Variants in CLCA1 observed in about 807,000 individuals in gnomAD.
CLCA1 encodes the protein calcium-activated chloride channel regulator 1.
Under a neutral mutation model 85.6 loss-of-function variants are expected in CLCA1, and 59 were observed. That is an observed-to-expected ratio of 0.69 (90% CI 0.56 to 0.86). The LOEUF is 0.86. CLCA1 is among the 40% of genes least tolerant of loss of function. The pLI is 0.00. For missense variants in CLCA1, 1,022 were observed against 1,101.4 expected (o/e 0.93, Z 1.02); for synonymous variants, 396 against 398.3 (o/e 0.99, Z 0.07).
intron 12 of CLCA1, 123 bp from the exon 13 acceptor site, chr1:86,498,448 CT>C (rs11302985): frequency 0.77 from 674,290 of 874,312 alleles, 261,227 homozygotes; most frequent in South Asian, 0.82. Flanking sequence ...AAAATTAATT[CT>C]GTGTGTGGAA....
At chr1:86,481,183 C>T (rs945536999) in intron 4 of CLCA1, among the ~76,000 whole-genome samples, 1 of 151,868 alleles carries the variant, frequency 6.6e-6, no homozygotes, top group African/African-American at 2.4e-5. Flanking sequence ...GTCTCCCAGG[C>T]TGGAGTGCAG....
At chr1:86,488,305 C>G (rs1324465667) in intron 7 of CLCA1, among the ~76,000 whole-genome samples, 3 of 152,152 alleles carry the variant, frequency 2.0e-5, no homozygotes, top group Non-Finnish European at 4.4e-5. Context: ...ATTCTTTTAT[C>G]TAATTTTCCT....
At chr1:86,480,530 G>A (rs985993868) in intron 4 of CLCA1, among the ~76,000 whole-genome samples, 1 of 152,124 alleles carries the variant, frequency 6.6e-6, no homozygotes, top group Admixed American at 6.5e-5. Flanking sequence ...GGCTGAGGTG[G>A]AAGGATCACC....
rs766034715 is a variant in CLCA1, at chr1:86,486,655, A to T, written c.1084A>T (p.Ile362Leu). ...AAHVQNELIQ[I>L]NSGSDRDTLA... ...CCATGTACAAAATGAACTCATACAG[A>T]TAAACAGTGGCAGTGACAGGGACAC... is the stretch of plus-strand genomic sequence containing the variant. Residue 362 changes from isoleucine (I) to leucine (L), a missense_variant, in exon 7 of 14, where the codon ATA becomes TTA. Transcript: ENST00000394711. 1.2e-6 allele frequency: 2 copies of T among 1,614,200 alleles called. No individual in the cohort carries two copies. Among genetic ancestry groups the T allele is most frequent in the Non-Finnish European group, 8.5e-7 (1 of 1,180,032 alleles).
intron 8 of CLCA1, 77 bp from the exon 9 acceptor site, chr1:86,491,188 C>A: frequency 1.1e-6 from 1 of 949,554 alleles, no homozygotes; most frequent in Non-Finnish European, 1.7e-6. Context: ...ATATTGTATG[C>A]TCTCTAAACA....
chr1:86,492,648 C>G (rs1558144891), intron 9 of CLCA1, among the ~76,000 whole-genome samples: 1 of 152,202 alleles, frequency 6.6e-6, no homozygotes, highest in Non-Finnish European at 1.5e-5. Context: ...ATCACATTTT[C>G]TAAAAAAGCC....
chr1:86,473,958 AG>A, intron 3 of CLCA1, 82 bp downstream of exon 3: 1 of 1,035,394 alleles, frequency 9.7e-7, no homozygotes, highest in Non-Finnish European at 1.4e-6. Context: ...TATCTTTGTG[AG>A]TAAGCATGTA....
rs181472751 is a variant in CLCA1, at chr1:86,496,583, C to T, written c.2113+908C>T. On this transcript the variant is annotated intron_variant, in intron 12 of 13. Transcript: ENST00000394711. Reference sequence around the variant, plus strand: ...CACCCTGTCCTGGGCAGGCTTTCTCCTGAGGTTGGTGTGCGGGAAGGAGAA... The same window carrying T: ...CACCCTGTCCTGGGCAGGCTTTCTCTTGAGGTTGGTGTGCGGGAAGGAGAA... Among the ~76,000 whole-genome samples the T allele has an allele frequency of 5.6e-4, 85 of 152,326 alleles. 1 individual carries two copies. Among genetic ancestry groups the T allele is most frequent in the Non-Finnish European group, 1.6e-4 (11 of 68,026 alleles).
At chr1:86,469,239 A>G (rs1210699972) in intron 1 of CLCA1, 106 bp downstream of exon 1, 4 of 684,564 alleles carry the variant, frequency 5.8e-6, no homozygotes, top group Admixed American at 3.4e-5. Flanking sequence ...ATGTATTTTT[A>G]TGTCTAAGTC....
chr1:86,498,865 A>C, intron 13 of CLCA1, 54 bp downstream of exon 13: 3 of 1,567,128 alleles, frequency 1.9e-6, no homozygotes, highest in Admixed American at 3.6e-5. Flanking sequence ...CAAGTAGAAG[A>C]GCAGAAGCGG....
intron 4 of CLCA1, among the ~76,000 whole-genome samples, chr1:86,477,343 A>G (rs986487751): frequency 6.6e-6 from 1 of 152,328 alleles, no homozygotes; most frequent in Non-Finnish European, 1.5e-5. Flanking sequence ...CTGAAAAACA[A>G]TCCAAATATC....
intron 4 of CLCA1, 127 bp from the exon 5 acceptor site, chr1:86,482,078 G>T: frequency 1.5e-6 from 1 of 666,734 alleles, no homozygotes; most frequent in Non-Finnish European, 2.6e-6. Context: ...TGCTATGATG[G>T]GATGTCCTTG....
intron 1 of CLCA1, among the ~76,000 whole-genome samples, chr1:86,472,669 A>G (rs1196230463): frequency 2.0e-5 from 3 of 152,224 alleles, no homozygotes; most frequent in Admixed American, 1.3e-4. Context: ...GAGAAGTAAA[A>G]TTAGGTGTAA....
intron 6 of CLCA1, among the ~76,000 whole-genome samples, chr1:86,486,020 G>GAGAGAA (rs2101739129): frequency 1.1e-5 from 1 of 93,024 alleles, no homozygotes; most frequent in East Asian, 2.3e-4. Flanking sequence ...GGCAGCAGGA[G>GAGAGAA]AGAGAGAGAG....
intron 11 of CLCA1, among the ~76,000 whole-genome samples, chr1:86,495,155 A>G (rs1648242084): frequency 6.6e-6 from 1 of 152,226 alleles, no homozygotes; most frequent in African/African-American, 2.4e-5. Context: ...AATTTTATTA[A>G]ATAATCATAC....
intron 5 of CLCA1, among the ~76,000 whole-genome samples, chr1:86,484,001 A>T (rs1019584091): frequency 6.6e-6 from 1 of 152,186 alleles, no homozygotes; most frequent in Admixed American, 6.6e-5. Flanking sequence ...GAGAGAATGC[A>T]AGGGAAATTG....
At chr1:86,487,202 C>G (rs924210993) in intron 7 of CLCA1, among the ~76,000 whole-genome samples, 2 of 152,186 alleles carry the variant, frequency 1.3e-5, no homozygotes, top group African/African-American at 4.8e-5. Context: ...CTATGAAACA[C>G]TTCTCCAGAT....
intron 9 of CLCA1, among the ~76,000 whole-genome samples, chr1:86,492,369 A>T (rs1040906398): frequency 6.6e-6 from 1 of 152,340 alleles, no homozygotes; most frequent in East Asian, 1.9e-4. Context: ...AATTAAAGTG[A>T]TAAAAGGACA....
chr1:86,494,502 G>C, intron 11 of CLCA1, 54 bp downstream of exon 11: 1 of 1,593,050 alleles, frequency 6.3e-7, no homozygotes, highest in Non-Finnish European at 8.6e-7. Flanking sequence ...GAAGCAACCA[G>C]GGAATGCCAA....
Sources: allele counts gnomAD v4.1 joint callset (sites outside exome capture counted in the v4.1 genomes callset), GRCh38; gene constraint gnomAD v4.1.1; transcripts MANE v1.5; gene names NCBI Gene and HGNC (gene_info 2026-07-23, HGNC 2026-07-21).